MCHR2: variants seen among roughly 807,000 people sequenced by gnomAD.
MCHR2 encodes melanin concentrating hormone receptor 2, also known as melanin-concentrating hormone receptor 2.
Under a neutral mutation model 24.8 loss-of-function variants are expected in MCHR2, and 15 were observed. The observed-to-expected ratio is 0.60, with a 90% CI of 0.40 to 0.93. The LOEUF (loss-of-function observed/expected upper bound fraction) is 0.93, where lower values mean the gene tolerates loss of function less well. Among genes scored for constraint, MCHR2 ranks in the 40% least tolerant of loss-of-function variants. The pLI is 0.00. For missense variants in MCHR2, 386 were observed against 408.7 expected, an observed-to-expected ratio of 0.94 and a Z score of 0.48; for synonymous variants, 151 against 147.6, an observed-to-expected ratio of 1.02 and a Z score of -0.17.
chr6:99,948,701 A>C (rs926908704), intron 2 of MCHR2, among the ~76,000 whole-genome samples: 1 of 152,178 alleles, frequency 6.6e-6, no homozygotes, highest in Non-Finnish European at 1.5e-5. Flanking sequence ...CCAACTTTAA[A>C]TACACTCAGG....
At chr6:99,930,808 GT>G (rs1250590919) in intron 5 of MCHR2, among the ~76,000 whole-genome samples, 2 of 152,068 alleles carry the variant, frequency 1.3e-5, no homozygotes, top group African/African-American at 4.8e-5. Context: ...GCTCAGAGCA[GT>G]TTGATCATCT....
chr6:99,946,149 T>C (rs998013437), intron 3 of MCHR2, among the ~76,000 whole-genome samples: 1 of 152,126 alleles, frequency 6.6e-6, no homozygotes, highest in Non-Finnish European at 1.5e-5. Context: ...TTTTCTACAG[T>C]GAGCCTGGCC....
intron 1 of MCHR2, among the ~76,000 whole-genome samples, chr6:99,959,695 G>C (rs1286967841): frequency 6.7e-6 from 1 of 149,646 alleles, no homozygotes; most frequent in Non-Finnish European, 1.5e-5. Flanking sequence ...GCTGAGAAAT[G>C]CAACAATTGA....
chr6:99,980,303 C>A (rs1775640430), intron 1 of MCHR2, among the ~76,000 whole-genome samples: 1 of 152,242 alleles, frequency 6.6e-6, no homozygotes, highest in East Asian at 1.9e-4. Context: ...TGAATCTGGA[C>A]TAAGCTCACT....
intron 1 of MCHR2, among the ~76,000 whole-genome samples, chr6:99,981,265 A>T (rs928297919): frequency 2.0e-5 from 3 of 152,254 alleles, no homozygotes; most frequent in Non-Finnish European, 4.4e-5. Flanking sequence ...AAGGCAAAAA[A>T]CAAAGATGTC....
intron 1 of MCHR2, among the ~76,000 whole-genome samples, chr6:99,989,499 C>T (rs1775828421): frequency 6.6e-6 from 1 of 152,126 alleles, no homozygotes; most frequent in Non-Finnish European, 1.5e-5. Flanking sequence ...TCAGGTTCCT[C>T]TGTAAGTGAG....
At chr6:99,952,896 A>T (rs1210223327) in intron 2 of MCHR2, among the ~76,000 whole-genome samples, 6 of 152,294 alleles carry the variant, frequency 3.9e-5, no homozygotes, top group Middle Eastern at 3.4e-3. Flanking sequence ...GCATTTCTTT[A>T]TCTAATGTAT....
chr6:99,926,680 G>T (rs1214478464), intron 5 of MCHR2, among the ~76,000 whole-genome samples: 6 of 152,106 alleles, frequency 3.9e-5, no homozygotes, highest in Non-Finnish European at 5.9e-5. Flanking sequence ...TTTTGATGGG[G>T]TTGTTTGTTT....
intron 1 of MCHR2, among the ~76,000 whole-genome samples, chr6:99,973,830 G>T (rs549587697): frequency 6.6e-6 from 1 of 152,058 alleles, no homozygotes; most frequent in Non-Finnish European, 1.5e-5. Flanking sequence ...AGCTTAGTTC[G>T]GCTGGATATG....
At chr6:99,956,295 G>T in intron 1 of MCHR2, 121 bp from the exon 2 acceptor site, 1 of 681,152 alleles carries the variant, frequency 1.5e-6, no homozygotes, top group Non-Finnish European at 2.4e-6. Context: ...TGGAACACAG[G>T]ATCCCAGGGT....
At chr6:99,925,700 A>G (rs998551006) in intron 5 of MCHR2, among the ~76,000 whole-genome samples, 6 of 152,026 alleles carry the variant, frequency 3.9e-5, no homozygotes, top group African/African-American at 1.4e-4. Flanking sequence ...TCTACACCTT[A>G]ACTTTGTACC....
chr6:99,993,516 AAACAAGCC>A (rs1185194975), intron 1 of MCHR2, among the ~76,000 whole-genome samples: 1 of 152,160 alleles, frequency 6.6e-6, no homozygotes, highest in African/African-American at 2.4e-5. Context: ...AACTCTTAGC[AAACAAGCC>A]AGTGATCGCC....
At chr6:99,953,891 T>A (rs574337229) in intron 2 of MCHR2, among the ~76,000 whole-genome samples, 1 of 152,276 alleles carries the variant, frequency 6.6e-6, no homozygotes, top group African/African-American at 2.4e-5. Context: ...AATCTTCAGC[T>A]GTGACTGGTG....
intron 1 of MCHR2, among the ~76,000 whole-genome samples, chr6:99,956,611 A>G (rs1486556890): frequency 6.6e-6 from 1 of 151,994 alleles, no homozygotes; most frequent in African/African-American, 2.4e-5. Context: ...CTGAACTCGG[A>G]TTGTTTAGAA....
chr6:99,948,527 C>T (rs530885192), intron 2 of MCHR2, among the ~76,000 whole-genome samples: 1 of 152,206 alleles, frequency 6.6e-6, no homozygotes, highest in South Asian at 2.1e-4. Flanking sequence ...ATAACTGTAA[C>T]CCTGGAAGAC....
chr6:99,951,442 A>G (rs1774962103), intron 2 of MCHR2, among the ~76,000 whole-genome samples: 1 of 152,058 alleles, frequency 6.6e-6, no homozygotes, highest in South Asian at 2.1e-4. Context: ...CCTTCCCTAG[A>G]TACATAGAGT....
At chr6:99,948,417 T>C (rs1774913217) in intron 2 of MCHR2, among the ~76,000 whole-genome samples, 1 of 152,126 alleles carries the variant, frequency 6.6e-6, no homozygotes, top group Non-Finnish European at 1.5e-5. Context: ...GAGAGGTCCA[T>C]GTGGAGAGGA....
At position 99,948,940 on chromosome 6, in the gene MCHR2, A is replaced by G. The variant is rs116671893; in HGVS notation, c.183-969T>C. On this transcript the variant is annotated intron_variant, in intron 2 of 5. Transcript: ENST00000281806. ...TCATCTGAAAAGAGGGAGCTGGTAG[A>G]TGGCACTGAGAATGATCTCATGTCT... Among the ~76,000 whole-genome samples, 765 of 152,286 alleles carry G rather than the reference A, an allele frequency of 5.0e-3. 8 individuals are homozygous for G. Among genetic ancestry groups the G allele is most frequent in the African/African-American group, 0.017 (719 of 41,586 alleles).
intron 1 of MCHR2, among the ~76,000 whole-genome samples, chr6:99,983,716 A>T (rs1287324260): frequency 1.4e-5 from 2 of 139,820 alleles, no homozygotes; most frequent in African/African-American, 2.5e-5. Flanking sequence ...CCTTGACATG[A>T]TGCTCACTTG....
Sources: allele counts gnomAD v4.1 joint callset (sites outside exome capture counted in the v4.1 genomes callset), GRCh38; gene constraint gnomAD v4.1.1; transcripts MANE v1.5; gene names NCBI Gene and HGNC (gene_info 2026-07-23, HGNC 2026-07-21).